UNC13C: variants seen among roughly 807,000 people sequenced by gnomAD.
The protein encoded by UNC13C is unc-13 homolog C, also known as protein unc-13 homolog C.
UNC13C carries 174 observed loss-of-function variants against 245.4 expected under a neutral mutation model. That is an observed-to-expected ratio of 0.71 (90% CI 0.63 to 0.80). The LOEUF is 0.80. Among genes scored for constraint, UNC13C ranks in the 30% least tolerant of loss-of-function variants. The pLI, the probability that UNC13C is intolerant of heterozygous loss-of-function variation, is 0.00. For missense variants in UNC13C, 2,829 were observed against 2,602.9 expected (o/e 1.09, Z -1.89); for synonymous variants, 992 against 895.1 (o/e 1.11, Z -1.93).
chr15:54,264,137 A>G, intron 8 of UNC13C, 31 bp from the exon 9 acceptor site: 4 of 1,549,196 alleles, frequency 2.6e-6, no homozygotes, highest in South Asian at 1.2e-5. Context: ...TGGCATTTCC[A>G]TTCACATCAC....
intron 29 of UNC13C, among the ~76,000 whole-genome samples, chr15:54,555,753 C>T (rs1345894781): frequency 4.6e-5 from 7 of 152,036 alleles, no homozygotes; most frequent in Non-Finnish European, 1.0e-4. Context: ...TTATGACATC[C>T]ACAATAGACT....
At chr15:54,562,246 C>T (rs767464507) in intron 29 of UNC13C, among the ~76,000 whole-genome samples, 4 of 151,948 alleles carry the variant, frequency 2.6e-5, no homozygotes, top group Non-Finnish European at 5.9e-5. Context: ...AGAGTAATCA[C>T]CATTTGACAA....
At chr15:54,030,467 C>T (rs562308029) in intron 2 of UNC13C, among the ~76,000 whole-genome samples, 2 of 152,032 alleles carry the variant, frequency 1.3e-5, no homozygotes, top group Non-Finnish European at 2.9e-5. Flanking sequence ...TAATCTCAGA[C>T]AGTAAGGTCA....
chr15:54,091,353 CTT>C (rs1020279920), intron 2 of UNC13C, among the ~76,000 whole-genome samples: 5 of 152,288 alleles, frequency 3.3e-5, no homozygotes, highest in East Asian at 1.9e-4. Flanking sequence ...TTTCTTGACT[CTT>C]TTCCCCATTT....
At chr15:54,625,083 A>G (rs932247606) in intron 32 of UNC13C, among the ~76,000 whole-genome samples, 2 of 152,136 alleles carry the variant, frequency 1.3e-5, no homozygotes, top group African/African-American at 4.8e-5. Context: ...GTATACATCA[A>G]GTTTGAAATG....
chr15:54,244,651 C>G (rs979319905), intron 7 of UNC13C, among the ~76,000 whole-genome samples: 3 of 152,146 alleles, frequency 2.0e-5, no homozygotes, highest in Admixed American at 6.5e-5. Context: ...TTTCCTTGAG[C>G]AGTAGTTTGT....
intron 4 of UNC13C, among the ~76,000 whole-genome samples, chr15:54,146,658 A>T (rs765982088): frequency 2.6e-5 from 4 of 152,242 alleles, no homozygotes; most frequent in Non-Finnish European, 4.4e-5. Flanking sequence ...TGGTGAAATC[A>T]ATGAATTTAA....
chr15:54,408,585 T>C (rs949387028), intron 18 of UNC13C, among the ~76,000 whole-genome samples: 2 of 152,142 alleles, frequency 1.3e-5, no homozygotes, highest in African/African-American at 2.4e-5. Context: ...ATTACAAAAA[T>C]AATCTTATTC....
chr15:54,613,887 C>T (rs536962662), intron 30 of UNC13C, among the ~76,000 whole-genome samples: 8 of 151,876 alleles, frequency 5.3e-5, no homozygotes, highest in South Asian at 4.2e-4. Flanking sequence ...AAGATCTTTC[C>T]GTTATGGAGC....
In UNC13C at chr15:54,475,281, T is replaced by TTTA. The variant is rs60034401; in HGVS notation, c.4934-19286_4934-19284dup. Among the ~76,000 whole-genome samples the TTTA allele has an allele frequency of 2.6e-3, 277 of 105,006 alleles. 1 individual carries two copies. The highest frequency in any genetic ancestry group is 0.01 in the East Asian group (18 of 1,746). 68.9% of individuals were successfully genotyped at this position (105,006 alleles called of 152,430 possible). ...ATAGTGAGAGGGGTATGGTTTTTTG[T>TTTA]TTATTATTATTATTATTATTATTAT... On this transcript the variant is annotated intron_variant, in intron 19 of 32. Transcript: ENST00000260323.
intron 1 of UNC13C, among the ~76,000 whole-genome samples, chr15:53,990,991 A>C (rs1021322321): frequency 6.6e-6 from 1 of 152,018 alleles, no homozygotes; most frequent in African/African-American, 2.4e-5. Flanking sequence ...CTCCAGTGGA[A>C]CACTGAGAGT....
chr15:54,287,157 T>C (rs1567161605), intron 10 of UNC13C, among the ~76,000 whole-genome samples: 1 of 152,164 alleles, frequency 6.6e-6, no homozygotes, highest in African/African-American at 2.4e-5. Context: ...AGTGAGACTA[T>C]GCATTCTCCC....
the UNC13C span, among the ~76,000 whole-genome samples, chr15:53,920,688 C>T: frequency 9.2e-5 from 14 of 151,896 alleles, 1 homozygote; most frequent in Admixed American, 9.2e-4. Context: ...GGTTACGAAG[C>T]ATAGCAACTG....
At chr15:53,848,348 A>G in the UNC13C span, among the ~76,000 whole-genome samples, 1 of 152,048 alleles carries the variant, frequency 6.6e-6, no homozygotes, top group Non-Finnish European at 1.5e-5. Context: ...ATTTTCATTC[A>G]TTTAAAATAT....
the UNC13C span, among the ~76,000 whole-genome samples, chr15:53,884,046 G>A: frequency 6.6e-6 from 1 of 152,098 alleles, no homozygotes; most frequent in Non-Finnish European, 1.5e-5. Flanking sequence ...AATGATGCCG[G>A]TACCGTGCAT....
chr15:54,061,580 G>T (rs1897837099), intron 2 of UNC13C, among the ~76,000 whole-genome samples: 1 of 152,098 alleles, frequency 6.6e-6, no homozygotes, highest in Non-Finnish European at 1.5e-5. Context: ...TACCTCCCTT[G>T]TCAGCATAAT....
intron 21 of UNC13C, among the ~76,000 whole-genome samples, 158 bp from the exon 22 acceptor site, chr15:54,500,676 GA>G (rs1252736327): frequency 4.6e-5 from 7 of 152,248 alleles, no homozygotes; most frequent in Admixed American, 1.3e-4. Flanking sequence ...ACACTTTCAA[GA>G]AAAGGAGATT....
At position 54,622,387 on chromosome 15, in the gene UNC13C, C is replaced by G; in HGVS notation, c.6167C>G (p.Pro2056Arg). The G allele has an allele frequency of 6.2e-7, 1 of 1,613,244 alleles. No homozygotes were observed. ...GTTCATGTGGACATCACTGCCACCC[C>G]AGGAACGGGAGATCATAAAGTCACT... ...ISVHVDITAT[P>R]GTGDHKVTVK... Residue 2056 changes from proline (P) to arginine (R), a missense_variant, in exon 31 of 33, where the codon CCA (proline) becomes CGA (arginine). Transcript: ENST00000260323.
At chr15:54,458,121 T>C (rs1475125652) in intron 19 of UNC13C, among the ~76,000 whole-genome samples, 2 of 152,096 alleles carry the variant, frequency 1.3e-5, no homozygotes, top group Non-Finnish European at 2.9e-5. Flanking sequence ...TTTTTAATTT[T>C]CCATCTTGAT....
Sources: gnomAD v4.1 joint callset for allele counts (sites outside exome capture counted in the v4.1 genomes callset) on GRCh38, gnomAD v4.1.1 for gene constraint, MANE v1.5 for transcripts, NCBI Gene and HGNC (gene_info 2026-07-23, HGNC 2026-07-21) for gene names.